Variants in GFI1B observed in about 807,000 individuals in gnomAD.
GFI1B encodes the protein growth factor independent 1B transcriptional repressor, also known as zinc finger protein Gfi-1b.
A neutral mutation model predicts 35.3 loss-of-function variants in GFI1B; 20 were observed. That is an observed-to-expected ratio of 0.57 (90% CI 0.40 to 0.82). The LOEUF (loss-of-function observed/expected upper bound fraction) is 0.82. GFI1B is among the 40% of genes least tolerant of loss of function. The probability of loss-of-function intolerance (pLI) is 0.00; values close to 1 mark genes in which losing one functional copy is unlikely to be tolerated. For missense variants in GFI1B, 430 were observed against 446.3 expected (o/e 0.96, Z 0.33); for synonymous variants, 178 against 177.6 (o/e 1.00, Z -0.02).
intron 1 of GFI1B, among the ~76,000 whole-genome samples, chr9:132,960,012 A>C (rs999058532): frequency 6.6e-6 from 1 of 152,190 alleles, no homozygotes; most frequent in African/African-American, 2.4e-5. Context: ...GAGATAATTC[A>C]GTCCCCTATA....
At chr9:132,988,866 G>A (rs1849178473) in intron 4 of GFI1B, among the ~76,000 whole-genome samples, 195 bp from the exon 5 acceptor site, 1 of 152,080 alleles carries the variant, frequency 6.6e-6, no homozygotes, top group African/African-American at 2.4e-5. Context: ...TTTGTAGAAG[G>A]GAGACTGAGC....
intron 1 of GFI1B, among the ~76,000 whole-genome samples, chr9:132,979,757 G>C (rs887015507): frequency 2.0e-5 from 3 of 152,192 alleles, no homozygotes; most frequent in Admixed American, 6.5e-5. Flanking sequence ...TGAGGCATCT[G>C]AGGAGACATG....
rs768451177 is a variant in GFI1B at position 132,989,859 on chromosome 9, C to G, written c.766C>G (p.Arg256Gly). Residue 256 changes from arginine (R) to glycine (G), a missense_variant, in exon 6 of 7, where the codon CGT becomes GGT. Arg to Gly is a moderately radical substitution (Grantham distance 125). Coordinates refer to ENST00000372122, the MANE Select transcript of GFI1B (RefSeq NM_001377304.1). The surrounding 1 kb of genome is among the most constrained non-coding windows in gnomAD (Gnocchi z 6.2). ...RPYPCQFCGK[R>G]FHQKSDMKKH... ...CTACCCCTGCCAGTTCTGCGGCAAG[C>G]GTTTCCACCAGAAGTCCGACATGAA... 7 of 1,614,224 alleles carry G rather than the reference C, an allele frequency of 4.3e-6. No individual in the cohort carries two copies. Among genetic ancestry groups the G allele is most frequent in the Non-Finnish European group, 5.9e-6 (7 of 1,180,002 alleles).
chr9:132,953,978 C>A (rs1848242409), intron 1 of GFI1B, among the ~76,000 whole-genome samples: 1 of 152,142 alleles, frequency 6.6e-6, no homozygotes, highest in South Asian at 2.1e-4. Flanking sequence ...CTATACACTT[C>A]TATTTCCTGC....
At chr9:132,967,028 C>G (rs10901227) in intron 1 of GFI1B, among the ~76,000 whole-genome samples, 12,825 of 152,196 alleles carry the variant, frequency 0.084, 735 homozygotes, top group East Asian at 0.17. Context: ...AATTAAGAGC[C>G]AGGGCCTTTG....
chr9:132,975,482 C>A (rs976872418), upstream of GFI1B, among the ~76,000 whole-genome samples: 1 of 152,148 alleles, frequency 6.6e-6, no homozygotes, highest in South Asian at 2.1e-4. Flanking sequence ...CTTCACCAAC[C>A]CCCCCAAGCC....
intron 1 of GFI1B, among the ~76,000 whole-genome samples, chr9:132,981,531 G>A (rs573420344): frequency 1.3e-5 from 2 of 152,180 alleles, no homozygotes; most frequent in East Asian, 1.9e-4. Context: ...CCAGCTACTC[G>A]AGAAGCTAAG....
chr9:132,947,996 A>G (rs1848147196), intron 1 of GFI1B, among the ~76,000 whole-genome samples: 1 of 152,156 alleles, frequency 6.6e-6, no homozygotes, highest in African/African-American at 2.4e-5. Flanking sequence ...TTACAAGTGC[A>G]TACTACTAAG....
intron 1 of GFI1B, among the ~76,000 whole-genome samples, chr9:132,962,057 AC>A (rs1848373336): frequency 1.1e-5 from 1 of 89,804 alleles, no homozygotes; most frequent in Non-Finnish European, 2.3e-5. Flanking sequence ...TTCCCTACAC[AC>A]CTACACTCTA....
At chr9:132,986,609 G>A in intron 1 of GFI1B, 50 bp from the exon 2 acceptor site, 1 of 876,032 alleles carries the variant, frequency 1.1e-6, no homozygotes, top group Middle Eastern at 2.5e-4. Flanking sequence ...GATATGGAGG[G>A]GTATTGTTCT....
intron 1 of GFI1B, among the ~76,000 whole-genome samples, chr9:132,948,196 T>TA (rs56814016): frequency 0.48 from 70,743 of 148,310 alleles, 16,714 homozygotes; most frequent in South Asian, 0.6. Flanking sequence ...GATGGGTGTT[T>TA]AAAAAAAAAA....
chr9:132,964,990 T>C (rs1251560577), intron 1 of GFI1B, among the ~76,000 whole-genome samples: 1 of 152,080 alleles, frequency 6.6e-6, no homozygotes, highest in Admixed American at 6.6e-5. Context: ...TTGCCTTCCT[T>C]TACCTCCCAG....
rs909291006 is a variant in GFI1B at position 132,989,648 on chromosome 9, C to T, written c.649-94C>T. The T allele has an allele frequency of 1.6e-5, 16 of 993,758 alleles. No individual in the cohort carries two copies. The highest frequency in any genetic ancestry group is 2.3e-5 in the Non-Finnish European group (15 of 646,030). 61.6% of individuals were successfully genotyped at this position (993,758 alleles called of 1,614,324 possible). ...GTCCCCCGGTCCTGCTCCTCCAGGC[C>T]GCCCCAATGGAGTGTCCTGTTCCGC... is the stretch of plus-strand genomic sequence containing the variant. On this transcript the variant is annotated intron_variant, in intron 5 of 6. Transcript: ENST00000372122. This position sits in a 1 kb window ranked among gnomAD's most constrained non-coding sequence, Gnocchi z 6.2.
chr9:132,984,651 G>T (rs1304420664), intron 1 of GFI1B, among the ~76,000 whole-genome samples: 1 of 152,200 alleles, frequency 6.6e-6, no homozygotes, highest in Non-Finnish European at 1.5e-5. Context: ...GATGGATAAA[G>T]GTCCTTTCTC....
chr9:132,962,481 C>T (rs1017150296), intron 1 of GFI1B: 6 of 477,432 alleles, frequency 1.3e-5, no homozygotes, highest in South Asian at 8.2e-5. Context: ...TCTCTGCTAT[C>T]GTGGTGTGTG....
intron 1 of GFI1B, among the ~76,000 whole-genome samples, chr9:132,955,808 ATGTGTGTGTGTGTG>A (rs3049917): frequency 1.4e-5 from 2 of 146,552 alleles, no homozygotes; most frequent in South Asian, 4.4e-4. Flanking sequence ...GTGTGTGTGC[ATGTGTGTGTGTGTG>A]TGTGTGTGTG....
chr9:132,982,662 A>G (rs761997061), intron 1 of GFI1B, among the ~76,000 whole-genome samples: 1 of 152,144 alleles, frequency 6.6e-6, no homozygotes, highest in Non-Finnish European at 1.5e-5. Context: ...AGTGGTTGTT[A>G]ATTAACTACA....
At chr9:132,959,299 C>G (rs188411909) in intron 1 of GFI1B, among the ~76,000 whole-genome samples, 7 of 152,248 alleles carry the variant, frequency 4.6e-5, no homozygotes, top group Non-Finnish European at 1.0e-4. Flanking sequence ...CCACTTTGCT[C>G]GGCACTTCTC....
At chr9:132,972,120 T>A (rs562558990) in intron 1 of GFI1B, among the ~76,000 whole-genome samples, 49 of 151,580 alleles carry the variant, frequency 3.2e-4, no homozygotes, top group African/African-American at 1.1e-3. Flanking sequence ...ACAAAATTTT[T>A]AAAAAATAAT....
Sources: gnomAD v4.1 joint callset for allele counts (sites outside exome capture counted in the v4.1 genomes callset) on GRCh38, gnomAD v4.1.1 for gene constraint, Gnocchi (gnomAD v3.1) non-coding constraint, MANE v1.5 for transcripts, NCBI Gene and HGNC (gene_info 2026-07-23, HGNC 2026-07-21) for gene names.